LSMEM2: variants seen among roughly 807,000 people sequenced by gnomAD.
LSMEM2 encodes leucine-rich single-pass membrane protein 2.
Under a neutral mutation model 17.3 loss-of-function variants are expected in LSMEM2, and 20 were observed. The ratio of observed to expected loss-of-function variants is 1.16; its 90% CI spans 0.81 to 1.68. The LOEUF (loss-of-function observed/expected upper bound fraction) is 1.68. LSMEM2 is among the 40% of genes most tolerant of loss of function. The pLI, the probability that LSMEM2 is intolerant of heterozygous loss-of-function variation, is 0.00. For missense variants in LSMEM2, 207 were observed against 214.3 expected (o/e 0.97, Z 0.21); for synonymous variants, 94 against 97.8 (o/e 0.96, Z 0.23).
In LSMEM2 at chr3:50,286,451, A is replaced by T. The variant is rs1449082979; in HGVS notation, c.59-20A>T. On this transcript the variant is annotated intron_variant, in intron 1 of 3. Coordinates refer to ENST00000316436, the MANE Select transcript of LSMEM2 (RefSeq NM_153215.3). ...GGGTTGACCCACCACTGGCTAAATC[A>T]GCCTGCGCTGCCCCTGCAGACTCCG... The T allele has an allele frequency of 1.9e-6, 3 of 1,577,328 alleles. No individual in the cohort carries two copies. Among genetic ancestry groups the T allele is most frequent in the Admixed American group, 3.7e-5 (2 of 53,914 alleles).
Position 50,287,426 on chromosome 3 carries a change from C to T in LSMEM2, c.*224C>T, listed in dbSNP as rs1701576678. On this transcript the variant is annotated 3_prime_UTR_variant, in exon 4 of 4. Transcript: ENST00000316436. The stretch of plus-strand genomic sequence containing the variant: ...GTGCCAAAGCCTCGCTTTGGGTGGC[C>T]CAAGGTCAGGGGAAGGGGCACCAGC... 2.0e-5 allele frequency: 13 copies of T among 637,172 alleles called. No individual in the cohort carries two copies. In the South Asian group the frequency reaches 2.6e-4, roughly 13 times the overall value. 39.5% of individuals were successfully genotyped at this position (637,172 alleles called of 1,614,324 possible). A position where few individuals can be genotyped will look rare whatever the true frequency, so the allele number is the denominator to read the frequency against.
Position 50,286,832 on chromosome 3 carries a change from G to A in LSMEM2, c.331G>A (p.Val111Met). ...CGCGCTGCTGGTGCTCACTTGCCTA[G>A]TGCTCGCACTCCTGGCTGTCTACCT... ...LLALLVLTCL[V>M]LALLAVYLSV... is the part of the protein sequence containing the mutation. The change falls in exon 3 of 4, where the codon GTG becomes ATG. Residue 111 changes from valine (V) to methionine (M), a missense_variant. Transcript: ENST00000316436. The A allele has an allele frequency of 6.2e-7, 1 of 1,613,916 alleles. No individual in the cohort carries two copies. The highest frequency in any genetic ancestry group is 2.2e-5 in the East Asian group (1 of 44,882).
rs782741473 is a variant in LSMEM2, at chr3:50,287,116, C to G, written c.409C>G (p.Gln137Glu). The change falls in exon 4 of 4, where the codon CAG (glutamine) becomes GAG (glutamate). Residue 137 changes from glutamine to glutamate, a missense_variant. Transcript: ENST00000316436. ...LRILAHTLRT[Q>E]EETLLKLRLA... is the part of the protein sequence containing the mutation. ...CATCCTGGCACACACGCTCCGCACG[C>G]AGGAGGAGACACTACTCAAACTCCG... 2 of 1,614,190 alleles carry G rather than the reference C, an allele frequency of 1.2e-6. No homozygotes were observed. Among genetic ancestry groups the G allele is most frequent in the East Asian group, 4.5e-5 (2 of 44,870 alleles).
At chr3:50,279,062 T>C, upstream of LSMEM2, 2 of 1,597,832 alleles carry the variant, frequency 1.3e-6, no homozygotes, top group Admixed American at 3.3e-5. Flanking sequence ...AGCCAGGCCT[T>C]CCCTGGGCTC....
chr3:50,279,708 A>G (rs1701349519), intron 1 of LSMEM2, among the ~76,000 whole-genome samples: 1 of 152,064 alleles, frequency 6.6e-6, no homozygotes, highest in Non-Finnish European at 1.5e-5. Context: ...ACCTAACTGC[A>G]CCACTGCATA....
intron 1 of LSMEM2, among the ~76,000 whole-genome samples, chr3:50,283,832 GA>G (rs1456695624): frequency 6.6e-6 from 1 of 152,010 alleles, no homozygotes; most frequent in African/African-American, 2.4e-5. Context: ...CAATGAGTGT[GA>G]AAGTACATAA....
Position 50,287,225 on chromosome 3 carries a change from T to C in LSMEM2, c.*23T>C. The C allele has an allele frequency of 6.2e-7, 1 of 1,602,036 alleles. No individual in the cohort carries two copies. The highest frequency in any genetic ancestry group is 8.5e-7 in the Non-Finnish European group (1 of 1,175,092). On this transcript the variant is annotated 3_prime_UTR_variant, in exon 4 of 4. Coordinates refer to ENST00000316436, the MANE Select transcript of LSMEM2 (RefSeq NM_153215.3). ...TGAGATGCCATTTGGATCTGGGGCC[T>C]GGGGGTGTGTGTTGGTGGGGGAATA...
At chr3:50,278,751 G>C (rs1419079600), upstream of LSMEM2, among the ~76,000 whole-genome samples, 19 of 152,208 alleles carry the variant, frequency 1.2e-4, no homozygotes, top group African/African-American at 4.6e-4. Flanking sequence ...GGAGTCTGCA[G>C]GGGTAGAGGG....
chr3:50,285,829 C>T (rs1279981255), intron 1 of LSMEM2, among the ~76,000 whole-genome samples: 1 of 151,832 alleles, frequency 6.6e-6, no homozygotes, highest in African/African-American at 2.4e-5. Context: ...GCAACAAGAG[C>T]GAAACTCCGT....
chr3:50,279,207 C>T, intron 1 of LSMEM2, 36 bp downstream of exon 1: 4 of 1,599,190 alleles, frequency 2.5e-6, no homozygotes, highest in Non-Finnish European at 3.4e-6. Flanking sequence ...GGCAAGGCCT[C>T]AGTCCTGTGA....
At position 50,281,351 on chromosome 3, in the gene LSMEM2, C is replaced by T. The variant is rs782307783; in HGVS notation, c.58+2180C>T. Reference sequence around the variant, plus strand: ...CTGGGATTACAGGCATGGGCCACTGCGCCCGGCCCTTTTTTTTTTTTTTTT... The same window carrying T: ...CTGGGATTACAGGCATGGGCCACTGTGCCCGGCCCTTTTTTTTTTTTTTTT... On this transcript the variant is annotated intron_variant, in intron 1 of 3. Coordinates refer to ENST00000316436, the MANE Select transcript of LSMEM2 (RefSeq NM_153215.3). 4.7e-3 allele frequency among the ~76,000 whole-genome samples: 676 copies of T among 144,592 alleles called. 1 individual carries two copies. The highest frequency in any genetic ancestry group is 6.9e-3 in the Non-Finnish European group (463 of 66,692). The allele number at this position is 144,592 out of a possible 152,430, so 94.9% of individuals were successfully genotyped here.
intron 1 of LSMEM2, among the ~76,000 whole-genome samples, chr3:50,285,169 TA>T (rs1701485410): frequency 6.6e-6 from 1 of 150,540 alleles, no homozygotes; most frequent in African/African-American, 2.5e-5. Flanking sequence ...CCATCTCCAC[TA>T]AAAATATAAA....
chr3:50,286,953 T>A, intron 3 of LSMEM2, 91 bp downstream of exon 3: 9 of 1,583,740 alleles, frequency 5.7e-6, no homozygotes, highest in Non-Finnish European at 6.9e-6. Flanking sequence ...TAACTGCAGA[T>A]GCTGCAGCAG....
At chr3:50,281,340 A>C (rs1553707744) in intron 1 of LSMEM2, among the ~76,000 whole-genome samples, 1 of 145,792 alleles carries the variant, frequency 6.9e-6, no homozygotes. Flanking sequence ...GATTACAGGC[A>C]TGGGCCACTG....
intron 1 of LSMEM2, among the ~76,000 whole-genome samples, chr3:50,282,756 G>C (rs1377407461): frequency 1.3e-5 from 2 of 152,108 alleles, no homozygotes; most frequent in African/African-American, 4.8e-5. Flanking sequence ...ATGGTGGCAC[G>C]TGCCTGTAAT....
intron 3 of LSMEM2, 23 bp from the exon 4 acceptor site, chr3:50,287,046 G>A: frequency 6.2e-7 from 1 of 1,613,254 alleles, no homozygotes; most frequent in Non-Finnish European, 8.5e-7. Flanking sequence ...ATGGTCTGAT[G>A]ATCCCCCACT....
chr3:50,286,248 C>T, intron 1 of LSMEM2: 1 of 224,692 alleles, frequency 4.5e-6, no homozygotes, highest in Non-Finnish European at 7.4e-6. Flanking sequence ...TGGAAGGAAA[C>T]AAATCAAATG....
chr3:50,281,426 G>A lies in LSMEM2; in HGVS notation c.58+2255G>A, dbSNP rs369764918. Among the ~76,000 whole-genome samples, 13 of 138,950 alleles carry A rather than the reference G, an allele frequency of 9.4e-5. No homozygotes were observed. In the East Asian group the frequency reaches 2.5e-3, roughly 27 times the overall value. 91.2% of individuals were successfully genotyped at this position (138,950 alleles called of 152,430 possible). A position where few individuals can be genotyped will look rare whatever the true frequency, so the allele number is the denominator to read the frequency against. On this transcript the variant is annotated intron_variant, in intron 1 of 3. Transcript: ENST00000316436. ...CGCCCCGGGTGGAGTGCAGTGGCACGATCTCTGCTCACTGCAACCTCTGCC... is the reference window on the plus strand; with the variant it reads ...CGCCCCGGGTGGAGTGCAGTGGCACAATCTCTGCTCACTGCAACCTCTGCC...
chr3:50,286,429 T>C (rs1701528246), intron 1 of LSMEM2, 42 bp from the exon 2 acceptor site: 2 of 1,546,156 alleles, frequency 1.3e-6, no homozygotes, highest in Admixed American at 2.0e-5. Flanking sequence ...AGGAAGGGGG[T>C]TGACCCACCA....
Sources: allele counts gnomAD v4.1 joint callset (sites outside exome capture counted in the v4.1 genomes callset), GRCh38; gene constraint gnomAD v4.1.1; transcripts MANE v1.5; gene names NCBI Gene and HGNC (gene_info 2026-07-23, HGNC 2026-07-21).